Variants in RPLP0 observed in about 807,000 individuals in gnomAD.
RPLP0 encodes large ribosomal subunit protein uL10.
For synonymous variants in RPLP0, 137 were observed against 153.4 expected, an observed-to-expected ratio of 0.89 and a Z score of 0.79; for missense variants, 276 against 402.9, an observed-to-expected ratio of 0.69 and a Z score of 2.70.
At chr12:120,200,973 C>T (rs879534605) in intron 1 of RPLP0, 110 bp downstream of exon 1, 4 of 992,760 alleles carry the variant, frequency 4.0e-6, no homozygotes, top group Non-Finnish European at 5.7e-6. Context: ...CAAGCCGCCA[C>T]CGAGGCCCCA....
At chr12:120,200,552 A>G in intron 2 of RPLP0, 178 bp downstream of exon 2, 1 of 636,828 alleles carries the variant, frequency 1.6e-6, no homozygotes, top group Non-Finnish European at 2.7e-6. Flanking sequence ...AACTTGCCTG[A>G]GCCCGTTTAT....
At position 120,200,893 on chromosome 12, in the gene RPLP0, T is replaced by C. The variant is rs1879429883; in HGVS notation, c.-48-62A>G. On this transcript the variant is annotated intron_variant, in intron 1 of 7. Coordinates refer to ENST00000392514, the MANE Select transcript of RPLP0 (RefSeq NM_001002.4). ...GACACCCATCCCGCGGTCCCGGGCC[T>C]AAGAGGAGCAGGACACGCGCAATCG... 3.3e-6 allele frequency: 5 copies of C among 1,495,724 alleles called. No individual in the cohort carries two copies. The East Asian group carries it at 1.0e-4, about 30-fold the overall frequency. The allele number at this position is 1,495,724 out of a possible 1,614,324, so 92.7% of individuals were successfully genotyped here.
At chr12:120,201,026 G>A (rs1164437171) in intron 1 of RPLP0, 57 bp downstream of exon 1, 2 of 528,934 alleles carry the variant, frequency 3.8e-6, no homozygotes, top group East Asian at 6.8e-5. Flanking sequence ...GGCCCCCAAA[G>A]ACCCCTCCAT....
chr12:120,198,825 G>C lies in RPLP0; in HGVS notation c.465+29C>G. The C allele has an allele frequency of 6.2e-7, 1 of 1,613,052 alleles. No individual in the cohort carries two copies. The highest frequency in any genetic ancestry group is 8.5e-7 in the Non-Finnish European group (1 of 1,179,006). On this transcript the variant is annotated intron_variant, in intron 5 of 7. Transcript: ENST00000392514. This position sits in a 1 kb window ranked among gnomAD's most constrained non-coding sequence, Gnocchi z 4.1. Reference sequence around the variant, plus strand: ...CTAAAAGCAGCTCCCCATTTGCCTGGTTAGCACAGGCAAACCAGGTCCACT... The same window carrying C: ...CTAAAAGCAGCTCCCCATTTGCCTGCTTAGCACAGGCAAACCAGGTCCACT...
rs2136125308 is a variant in RPLP0, at chr12:120,197,473, G to A, written c.652-11C>T. ...AACATTGCGGACACCCTGGGGGAGG[G>A]AAGATTTCATTTTACGTGAGATTCC... On this transcript the variant is annotated splice_polypyrimidine_tract_variant and intron_variant, in intron 6 of 7. Transcript: ENST00000392514. 1 of 1,613,436 alleles carries A rather than the reference G, an allele frequency of 6.2e-7. No individual in the cohort carries two copies. Among genetic ancestry groups the A allele is most frequent in the African/African-American group, 1.3e-5 (1 of 75,028 alleles).
intron 1 of RPLP0, 60 bp downstream of exon 1, chr12:120,201,022 CA>C: frequency 1.8e-6 from 1 of 543,764 alleles, no homozygotes; most frequent in Non-Finnish European, 3.0e-6. Flanking sequence ...CAAAGGCCCC[CA>C]AAGACCCCTC....
At position 120,200,719 on chromosome 12, in the gene RPLP0, C is replaced by T. The variant is rs369200987; in HGVS notation, c.54+11G>A. ...AACATGAAGAGCAGAGGCGACCCAC[C>T]CTGCACTTACGATGATCTTAAGGAA... is the stretch of plus-strand genomic sequence containing the variant. On this transcript the variant is annotated intron_variant, in intron 2 of 7. Transcript: ENST00000392514. 23 of 1,608,936 alleles carry T rather than the reference C, an allele frequency of 1.4e-5. No individual in the cohort carries two copies. The highest frequency in any genetic ancestry group is 2.0e-5 in the Non-Finnish European group (23 of 1,177,884).
In RPLP0 at chr12:120,198,825, G is replaced by T; in HGVS notation, c.465+29C>A. The T allele has an allele frequency of 6.2e-7, 1 of 1,613,052 alleles. No individual in the cohort carries two copies. Among genetic ancestry groups the T allele is most frequent in the Non-Finnish European group, 8.5e-7 (1 of 1,179,006 alleles). ...CTAAAAGCAGCTCCCCATTTGCCTG[G>T]TTAGCACAGGCAAACCAGGTCCACT... On this transcript the variant is annotated intron_variant, in intron 5 of 7. Coordinates refer to ENST00000392514, the MANE Select transcript of RPLP0 (RefSeq NM_001002.4). The surrounding 1 kb of genome is among the most constrained non-coding windows in gnomAD (Gnocchi z 4.1).
At position 120,199,218 on chromosome 12, in the gene RPLP0, GTT is replaced by G; in HGVS notation, c.231-15_231-14del. 1 of 1,613,654 alleles carries G rather than the reference GTT, an allele frequency of 6.2e-7. No homozygotes were observed. Among genetic ancestry groups the G allele is most frequent in the East Asian group, 2.2e-5 (1 of 44,884 alleles). ...ATGAGGCAGCAGTCTGCAAAGAGAA[GTT>G]TATGGGAGACAATCACCTTTCAGCA... On this transcript the variant is annotated splice_polypyrimidine_tract_variant and intron_variant, in intron 3 of 7. Transcript: ENST00000392514.
intron 2 of RPLP0, chr12:120,200,075 CTT>C: frequency 2.2e-6 from 1 of 456,096 alleles, no homozygotes; most frequent in Non-Finnish European, 4.4e-6. Context: ...TCATTGGACA[CTT>C]AAGTTTCTTG....
intron 2 of RPLP0, chr12:120,199,710 TTC>T (rs1879335841): frequency 1.9e-6 from 1 of 527,902 alleles, no homozygotes; most frequent in Non-Finnish European, 3.4e-6. Context: ...AAGGAGTTTT[TTC>T]TTTTTTTACT....
At chr12:120,199,251 C>A (rs760767069) in intron 3 of RPLP0, 46 bp from the exon 4 acceptor site, 3 of 1,613,396 alleles carry the variant, frequency 1.9e-6, no homozygotes, top group Admixed American at 1.7e-5. Flanking sequence ...CAGCACCATT[C>A]TCCAGGAAGA....
At chr12:120,200,854 G>A (rs111332516) in intron 1 of RPLP0, 23 bp from the exon 2 acceptor site, 516 of 1,570,410 alleles carry the variant, frequency 3.3e-4, no homozygotes, top group Non-Finnish European at 4.2e-4. Flanking sequence ...AGGGAGCTCA[G>A]GCCTGGTCAC....
rs990573997 is a variant in RPLP0 at position 120,199,145 on chromosome 12, C to T, written c.291G>A (p.Glu97=). Residue 97 remains glutamate (E), a synonymous_variant, in exon 4 of 8, where the codon GAG becomes GAA. Coordinates refer to ENST00000392514, the MANE Select transcript of RPLP0 (RefSeq NM_001002.4). ...GFVFTKEDLT[E]IRDMLLANKV... Reference sequence around the variant, plus strand: ...TATTGGCCAGCAACATGTCCCTGATCTCAGTGAGGTCCTCCTTGGTGAACA... The same window carrying T: ...TATTGGCCAGCAACATGTCCCTGATTTCAGTGAGGTCCTCCTTGGTGAACA... 2.5e-6 allele frequency: 4 copies of T among 1,613,854 alleles called. No homozygotes were observed. In the African/African-American group the frequency reaches 4.0e-5, roughly 16 times the overall value.
At chr12:120,200,612 T>C (rs1879405788) in intron 2 of RPLP0, 118 bp downstream of exon 2, 8 of 1,136,750 alleles carry the variant, frequency 7.0e-6, no homozygotes, top group Non-Finnish European at 9.9e-6. Context: ...AACAGTATTT[T>C]CCCAAAAATG....
chr12:120,197,651 C>G, intron 6 of RPLP0, 189 bp from the exon 7 acceptor site: 3 of 651,756 alleles, frequency 4.6e-6, no homozygotes, highest in Non-Finnish European at 7.8e-6. Context: ...AAATTTTGCC[C>G]TTATTCCAAA....
Position 120,198,447 on chromosome 12 carries a change from G to C in RPLP0, c.651+107C>G. The C allele has an allele frequency of 1.7e-6, 2 of 1,175,938 alleles. No homozygotes were observed. The highest frequency in any genetic ancestry group is 2.5e-6 in the Non-Finnish European group (2 of 803,086). The allele number at this position is 1,175,938 out of a possible 1,614,324, so 72.8% of individuals were successfully genotyped here. On this transcript the variant is annotated intron_variant, in intron 6 of 7. Coordinates refer to ENST00000392514, the MANE Select transcript of RPLP0 (RefSeq NM_001002.4). This position sits in a 1 kb window ranked among gnomAD's most constrained non-coding sequence, Gnocchi z 4.1. The stretch of plus-strand genomic sequence containing the variant: ...GTTGTTACTGACATTTTACAGATGA[G>C]GTAGGTAGACAGATGAAAACACAGT...
chr12:120,200,281 G>A (rs1050884731), intron 2 of RPLP0: 10 of 349,550 alleles, frequency 2.9e-5, no homozygotes, highest in African/African-American at 4.3e-5. Flanking sequence ...TGGCCAACAT[G>A]GTGAATCCCT....
At chr12:120,199,232 A>G (rs1363343467) in intron 3 of RPLP0, 27 bp from the exon 4 acceptor site, 8 of 1,613,062 alleles carry the variant, frequency 5.0e-6, no homozygotes, top group African/African-American at 1.3e-5. Context: ...ATGGGAGACA[A>G]TCACCTTTCA....
Sources: allele counts gnomAD v4.1 joint callset, GRCh38; gene constraint gnomAD v4.1.1; non-coding constraint Gnocchi (gnomAD v3.1); transcripts MANE v1.5; gene names NCBI Gene and HGNC (gene_info 2026-07-23, HGNC 2026-07-21).